The following GAS7 variants were observed in gnomAD, a reference collection of about 807,000 sequenced individuals.
The protein encoded by GAS7 is growth arrest-specific protein 7.
GAS7 carries 28 observed loss-of-function variants against 71.1 expected under a neutral mutation model. That is an observed-to-expected ratio of 0.39 (90% confidence interval 0.29 to 0.54). The LOEUF (loss-of-function observed/expected upper bound fraction) is 0.54, where lower values mean the gene tolerates loss of function less well. Among genes scored for constraint, GAS7 ranks in the 20% least tolerant of loss-of-function variants. GAS7 has a pLI of 0.62. For synonymous variants in GAS7, 258 were observed against 245.8 expected (o/e 1.05, Z -0.46); for missense variants, 436 against 627.8 (o/e 0.69, Z 3.27).
At chr17:10,012,278 G>C (rs1339380259) in intron 2 of GAS7, among the ~76,000 whole-genome samples, 4 of 152,148 alleles carry the variant, frequency 2.6e-5, no homozygotes, top group African/African-American at 9.6e-5. Context: ...TGGCCTTCCA[G>C]TTATATTTTT....
intron 1 of GAS7, among the ~76,000 whole-genome samples, chr17:10,163,672 C>T (rs1049209321): frequency 7.9e-5 from 12 of 152,102 alleles, no homozygotes; most frequent in African/African-American, 2.4e-4. Flanking sequence ...ACTTTGAGTG[C>T]TGACAAGCTC....
At chr17:10,162,243 G>GT (rs397950882) in intron 1 of GAS7, among the ~76,000 whole-genome samples, 7 of 72 alleles carry the variant, frequency 0.097, no homozygotes, top group Non-Finnish European at 0.12. Context: ...TGAAGAAGCA[G>GT]CGCTGCCCAG....
At chr17:10,196,453 T>C (rs1467307477) in intron 1 of GAS7, among the ~76,000 whole-genome samples, 1 of 152,204 alleles carries the variant, frequency 6.6e-6, no homozygotes. Context: ...TAGTCAGGAA[T>C]GGTCTGAGAG....
chr17:10,145,482 G>GAA lies in GAS7; in HGVS notation c.183+52724_183+52725dup, dbSNP rs891003157. ...GGAAGGAGGCAGTAGAGGCTTGGAT[G>GAA]AAACCTTACAAGGCCCTAGAACCAG... On this transcript the variant is annotated intron_variant, in intron 1 of 13. Coordinates refer to ENST00000432992, the MANE Select transcript of GAS7 (RefSeq NM_201433.2). 2.6e-5 allele frequency among the ~76,000 whole-genome samples: 4 copies of GAA among 152,216 alleles called. No individual in the cohort carries two copies. The East Asian group carries it at 7.7e-4, about 29-fold the overall frequency.
chr17:9,940,589 G>A (rs1312265890), intron 7 of GAS7, among the ~76,000 whole-genome samples: 3 of 152,144 alleles, frequency 2.0e-5, no homozygotes, highest in Admixed American at 2.0e-4. Context: ...CCCCAGTGCT[G>A]TCCCCTCTCC....
intron 2 of GAS7, among the ~76,000 whole-genome samples, chr17:10,005,334 C>A (rs2071486034): frequency 1.3e-5 from 2 of 151,144 alleles, no homozygotes; most frequent in African/African-American, 2.5e-5. Flanking sequence ...TATATACACA[C>A]ACACACACAC....
chr17:9,910,792 G>C lies in GAS7; in HGVS notation c.*6436C>G, dbSNP rs1027511696. 5 of 225,776 alleles carry C rather than the reference G, an allele frequency of 2.2e-5. No individual in the cohort carries two copies. Among genetic ancestry groups the C allele is most frequent in the Non-Finnish European group, 3.5e-5 (4 of 113,238 alleles). The allele number at this position is 225,776 out of a possible 1,614,324, so 14.0% of individuals were successfully genotyped here. ...CCACTGGGATCAGGGTTTCAACAGT[G>C]TTACTTATAAATTATATTACATCAA... On this transcript the variant is annotated 3_prime_UTR_variant, in exon 14 of 14. Coordinates refer to ENST00000432992, the MANE Select transcript of GAS7 (RefSeq NM_201433.2).
intron 1 of GAS7, among the ~76,000 whole-genome samples, chr17:10,190,589 A>G (rs1001307577): frequency 2.0e-5 from 3 of 151,944 alleles, no homozygotes; most frequent in African/African-American, 7.3e-5. Context: ...CAAAAAAAAA[A>G]AAAAGAAAAA....
At chr17:10,122,135 C>G (rs575320818) in intron 1 of GAS7, among the ~76,000 whole-genome samples, 1 of 152,212 alleles carries the variant, frequency 6.6e-6, no homozygotes, top group Non-Finnish European at 1.5e-5. Flanking sequence ...CCTCCTCGTA[C>G]AGTGTGACCT....
chr17:10,126,544 G>A lies in GAS7; in HGVS notation c.183+71664C>T, dbSNP rs199714635. ...GCACACACAAGCACACACACAAAGAGCGCACACACGCAGACATGCACACAC... is the reference window on the plus strand; with the variant it reads ...GCACACACAAGCACACACACAAAGAACGCACACACGCAGACATGCACACAC... On this transcript the variant is annotated intron_variant, in intron 1 of 13. Transcript: ENST00000432992. Among the ~76,000 whole-genome samples, 192 of 95,566 alleles carry A rather than the reference G, an allele frequency of 2.0e-3. 1 individual carries two copies. Among genetic ancestry groups the A allele is most frequent in the African/African-American group, 9.4e-3 (178 of 18,916 alleles). 62.7% of individuals were successfully genotyped at this position (95,566 alleles called of 152,430 possible). A position where few individuals can be genotyped will look rare whatever the true frequency, so the allele number is the denominator to read the frequency against.
At chr17:10,072,055 C>T (rs1452778763) in intron 1 of GAS7, among the ~76,000 whole-genome samples, 1 of 152,108 alleles carries the variant, frequency 6.6e-6, no homozygotes, top group East Asian at 1.9e-4. Context: ...CCACGTTCTC[C>T]ACCATTCTCT....
chr17:9,978,259 C>T (rs1056095016), intron 3 of GAS7, among the ~76,000 whole-genome samples: 7 of 151,166 alleles, frequency 4.6e-5, no homozygotes, highest in African/African-American at 1.5e-4. Flanking sequence ...GGCAGGGCCT[C>T]GTTTTATCTC....
chr17:10,109,734 C>A (rs2073792475), intron 1 of GAS7, among the ~76,000 whole-genome samples: 1 of 152,186 alleles, frequency 6.6e-6, no homozygotes, highest in Admixed American at 6.5e-5. Flanking sequence ...GCCTGGCCAA[C>A]ATAGCAAAAC....
chr17:9,990,711 G>C (rs1180994932), intron 2 of GAS7, among the ~76,000 whole-genome samples: 1 of 152,198 alleles, frequency 6.6e-6, no homozygotes, highest in Non-Finnish European at 1.5e-5. Flanking sequence ...GAATTGTGGG[G>C]AAGGGAAAAT....
intron 1 of GAS7, among the ~76,000 whole-genome samples, chr17:10,095,518 A>G (rs1010478947): frequency 6.6e-6 from 1 of 152,146 alleles, no homozygotes; most frequent in Non-Finnish European, 1.5e-5. Context: ...CAGTTTGATG[A>G]CAAATGTGTA....
At chr17:9,985,230 A>G (rs756159179) in intron 2 of GAS7, among the ~76,000 whole-genome samples, 5 of 152,144 alleles carry the variant, frequency 3.3e-5, no homozygotes, top group Non-Finnish European at 7.4e-5. Flanking sequence ...CACTCACCCT[A>G]GAGCCCAGCT....
At chr17:10,013,636 C>T (rs2071871507) in intron 2 of GAS7, among the ~76,000 whole-genome samples, 1 of 152,242 alleles carries the variant, frequency 6.6e-6, no homozygotes, top group Admixed American at 6.5e-5. Flanking sequence ...GGCATTACTG[C>T]ATTAACCACT....
intron 1 of GAS7, among the ~76,000 whole-genome samples, chr17:10,159,623 A>G (rs570528833): frequency 1.3e-5 from 2 of 152,186 alleles, no homozygotes; most frequent in African/African-American, 2.4e-5. Context: ...CAAAATTATT[A>G]CACAATCTAG....
intron 1 of GAS7, among the ~76,000 whole-genome samples, chr17:10,195,884 GC>G (rs1009223072): frequency 1.3e-5 from 2 of 152,082 alleles, no homozygotes; most frequent in African/African-American, 4.8e-5. Context: ...TGACCCACAT[GC>G]CCCCCTGTTG....
Sources: gnomAD v4.1 joint callset for allele counts (sites outside exome capture counted in the v4.1 genomes callset) on GRCh38, gnomAD v4.1.1 for gene constraint, MANE v1.5 for transcripts, NCBI Gene and HGNC (gene_info 2026-07-23, HGNC 2026-07-21) for gene names.